The following PLEKHA2 variants were observed in gnomAD, a reference collection of about 807,000 sequenced individuals.
PLEKHA2 encodes pleckstrin homology domain-containing family A member 2.
PLEKHA2 carries 28 observed loss-of-function variants against 53.2 expected under a neutral mutation model. The observed-to-expected ratio is 0.53, with a 90% confidence interval of 0.39 to 0.72. The LOEUF (loss-of-function observed/expected upper bound fraction) is 0.72, where lower values mean the gene tolerates loss of function less well. PLEKHA2 is among the 30% of genes least tolerant of loss of function. The probability of loss-of-function intolerance (pLI) is 0.00; values close to 1 mark genes in which losing one functional copy is unlikely to be tolerated. For missense variants in PLEKHA2, 426 were observed against 537.9 expected (o/e 0.79, Z 2.06); for synonymous variants, 193 against 196.4 (o/e 0.98, Z 0.14).
At position 38,922,633 on chromosome 8, in the gene PLEKHA2, G is replaced by C. The variant is rs1480005859; in HGVS notation, c.141+4563G>C. 3.9e-5 allele frequency among the ~76,000 whole-genome samples: 6 copies of C among 152,150 alleles called. No homozygotes were observed. The highest frequency in any genetic ancestry group is 8.8e-5 in the Non-Finnish European group (6 of 68,048). On this transcript the variant is annotated intron_variant, in intron 2 of 11. Transcript: ENST00000617275. This position sits in a 1 kb window ranked among gnomAD's most constrained non-coding sequence, Gnocchi z 4.0. ...GGCAGTAATAAGCAGAAGATTTTTG[G>C]ACCCAGGTCTCCGATCTTTGTGTGT...
At chr8:38,949,971 T>C (rs769025571) in intron 5 of PLEKHA2, among the ~76,000 whole-genome samples, 10 of 152,350 alleles carry the variant, frequency 6.6e-5, no homozygotes, top group South Asian at 2.1e-4. Flanking sequence ...AAGGCATGCA[T>C]GCATTTTTAC....
intron 1 of PLEKHA2, among the ~76,000 whole-genome samples, chr8:38,911,675 G>A (rs1833956925): frequency 6.6e-6 from 1 of 152,190 alleles, no homozygotes; most frequent in African/African-American, 2.4e-5. Flanking sequence ...GGGGAACTCA[G>A]GACAAAATGA....
chr8:38,954,971 T>C (rs1380357375), intron 9 of PLEKHA2, among the ~76,000 whole-genome samples: 1 of 152,034 alleles, frequency 6.6e-6, no homozygotes, highest in African/African-American at 2.4e-5. Context: ...GAGGCGGAGG[T>C]TGCAGTGAGC....
chr8:38,927,049 GT>G lies in PLEKHA2; in HGVS notation c.142-8943del, dbSNP rs543240544. 1.7e-3 allele frequency among the ~76,000 whole-genome samples: 266 copies of G among 152,294 alleles called. 1 individual carries two copies. The highest frequency in any genetic ancestry group is 5.8e-3 in the African/African-American group (242 of 41,574). On this transcript the variant is annotated intron_variant, in intron 2 of 11. Coordinates refer to ENST00000617275, the MANE Select transcript of PLEKHA2 (RefSeq NM_021623.2). ...ATAGAAGCTATGAAACTTAGCAGAG[GT>G]TAAATAACTATTGCAAAACCATAGT...
intron 3 of PLEKHA2, among the ~76,000 whole-genome samples, chr8:38,939,557 AC>A (rs1834561199): frequency 6.6e-6 from 1 of 152,236 alleles, no homozygotes; most frequent in Non-Finnish European, 1.5e-5. Flanking sequence ...CCAAAGCCAG[AC>A]CGTCTCTTTG....
chr8:38,972,246 G>T lies in PLEKHA2; in HGVS notation c.*2463G>T, dbSNP rs1835264729. 1 of 152,068 alleles carries T rather than the reference G, an allele frequency of 6.6e-6. No homozygotes were observed. Among genetic ancestry groups the T allele is most frequent in the Non-Finnish European group, 1.5e-5 (1 of 68,042 alleles). The allele number at this position is 152,068 out of a possible 1,614,324, so 9.4% of individuals were successfully genotyped here. On this transcript the variant is annotated 3_prime_UTR_variant, in exon 12 of 12. Transcript: ENST00000617275. ...CTCTTACCCAGGCTAGAGTGCAGTGGTGTGATCATAGTTCATCATAACTTT... is the reference window on the plus strand; with the variant it reads ...CTCTTACCCAGGCTAGAGTGCAGTGTTGTGATCATAGTTCATCATAACTTT...
chr8:38,913,911 C>T (rs1031865209), intron 1 of PLEKHA2, among the ~76,000 whole-genome samples: 2 of 152,222 alleles, frequency 1.3e-5, no homozygotes, highest in African/African-American at 2.4e-5. Context: ...GGAGCTGGGG[C>T]GGAAGCTTTG....
At chr8:38,906,995 CTT>C (rs1833886809) in intron 1 of PLEKHA2, among the ~76,000 whole-genome samples, 1 of 152,170 alleles carries the variant, frequency 6.6e-6, no homozygotes, top group Non-Finnish European at 1.5e-5. Flanking sequence ...TCCCAAAAAA[CTT>C]TCTCCTGTTA....
chr8:38,918,244 GCACACACAC>G (rs1225076624), intron 2 of PLEKHA2, among the ~76,000 whole-genome samples, 174 bp downstream of exon 2: 9 of 150,766 alleles, frequency 6.0e-5, no homozygotes, highest in Admixed American at 4.0e-4. Context: ...ACATTCACGT[GCACACACAC>G]CACACACACC....
chr8:38,963,064 T>C (rs1835068047), intron 10 of PLEKHA2, among the ~76,000 whole-genome samples: 1 of 152,158 alleles, frequency 6.6e-6, no homozygotes. Context: ...ATGGAAGCCT[T>C]TATGGCCTCT....
In PLEKHA2 at chr8:38,936,736, C is replaced by T. The variant is rs187954272; in HGVS notation, c.198+686C>T. Reference sequence around the variant, plus strand: ...GCTGAATTCAGCTTCTATTAGCAGCCGCTCCCTGGAGCAGGCACCACTGCT... The same window carrying T: ...GCTGAATTCAGCTTCTATTAGCAGCTGCTCCCTGGAGCAGGCACCACTGCT... On this transcript the variant is annotated intron_variant, in intron 3 of 11. Coordinates refer to ENST00000617275, the MANE Select transcript of PLEKHA2 (RefSeq NM_021623.2). 5.0e-3 allele frequency among the ~76,000 whole-genome samples: 761 copies of T among 152,366 alleles called. 1 individual carries two copies. The highest frequency in any genetic ancestry group is 8.4e-3 in the Non-Finnish European group (573 of 68,034).
intron 2 of PLEKHA2, among the ~76,000 whole-genome samples, chr8:38,920,132 C>T (rs1463161648): frequency 7.2e-5 from 11 of 151,906 alleles, no homozygotes; most frequent in South Asian, 2.1e-4. Context: ...CCACCATGCC[C>T]GGCTAATTTT....
rs543095239 is a variant in PLEKHA2, at chr8:38,928,909, G to A, written c.142-7085G>A. Among the ~76,000 whole-genome samples, 304 of 152,286 alleles carry A rather than the reference G, an allele frequency of 2.0e-3. 2 individuals carry two copies. Among genetic ancestry groups the A allele is most frequent in the African/African-American group, 7.0e-3 (290 of 41,558 alleles). On this transcript the variant is annotated intron_variant, in intron 2 of 11. Transcript: ENST00000617275. ...AGCAGCAGGTAGAGCCACGGCCCAG[G>A]TCACCTGGTGCCTGGGATTCGCTTG... is the stretch of plus-strand genomic sequence containing the variant.
At chr8:38,931,038 G>A (rs890909931) in intron 2 of PLEKHA2, among the ~76,000 whole-genome samples, 6 of 152,348 alleles carry the variant, frequency 3.9e-5, no homozygotes, top group Non-Finnish European at 7.3e-5. Flanking sequence ...AGTACTTTGG[G>A]AGGCCAGGGC....
chr8:38,952,853 T>G (rs1247632903), intron 8 of PLEKHA2, 149 bp downstream of exon 8: 18 of 770,688 alleles, frequency 2.3e-5, no homozygotes, highest in Non-Finnish European at 3.8e-5. Context: ...TGTGCACACA[T>G]CTTTACAGTG....
chr8:38,960,930 G>A (rs1369055302), intron 10 of PLEKHA2: 3 of 152,156 alleles, frequency 2.0e-5, no homozygotes, highest in African/African-American at 4.8e-5. Context: ...ATCCATGCAT[G>A]GTTTTTAACA....
Position 38,911,636 on chromosome 8 carries a change from G to A in PLEKHA2, c.-23-6271G>A, listed in dbSNP as rs574168491. Among the ~76,000 whole-genome samples the A allele has an allele frequency of 6.0e-4, 92 of 152,194 alleles. 4 individuals are homozygous for A. In the South Asian group the frequency reaches 0.017, roughly 29 times the overall value. On this transcript the variant is annotated intron_variant, in intron 1 of 11. Transcript: ENST00000617275. ...GGAACTCTTGAGATAAACCACCCTC[G>A]GTCACCCTCTACCCAATATTTTCAC...
chr8:38,963,710 T>G (rs1835082279), intron 10 of PLEKHA2, among the ~76,000 whole-genome samples: 1 of 152,230 alleles, frequency 6.6e-6, no homozygotes, highest in African/African-American at 2.4e-5. Flanking sequence ...ACATTGTAAT[T>G]GTGATCTCAA....
At chr8:38,903,677 C>T (rs191181528) in intron 1 of PLEKHA2, among the ~76,000 whole-genome samples, 1 of 152,312 alleles carries the variant, frequency 6.6e-6, no homozygotes, top group East Asian at 1.9e-4. Context: ...GCGTTGGTCT[C>T]CTGTCCAATT....
Sources: gnomAD v4.1 joint callset for allele counts (sites outside exome capture counted in the v4.1 genomes callset) on GRCh38, gnomAD v4.1.1 for gene constraint, Gnocchi (gnomAD v3.1) non-coding constraint, MANE v1.5 for transcripts, NCBI Gene and HGNC (gene_info 2026-07-23, HGNC 2026-07-21) for gene names.